The following SHOX variants were observed in gnomAD, a reference collection of about 807,000 sequenced individuals.
SHOX encodes the protein short stature homeobox protein.
A neutral mutation model predicts 29.6 loss-of-function variants in SHOX; 12 were observed. That is an observed-to-expected ratio of 0.41 (90% CI 0.26 to 0.66). The LOEUF is 0.66. Ranked by LOEUF, SHOX falls within the 30% of genes least tolerant of loss-of-function variation. The pLI is 0.35. For missense variants in SHOX, 499 were observed against 437.7 expected, an observed-to-expected ratio of 1.14 and a Z score of -1.25; for synonymous variants, 214 against 200.6, an observed-to-expected ratio of 1.07 and a Z score of -0.57.
intron 2 of SHOX, among the ~76,000 whole-genome samples, chrX:638,836 T>C (rs1341482131): frequency 5.3e-5 from 8 of 152,310 alleles, no homozygotes. Flanking sequence ...GAGTGACTGG[T>C]TCACTCACCG....
At chrX:639,647 C>A (rs760940406) in intron 2 of SHOX, among the ~76,000 whole-genome samples, 1 of 152,226 alleles carries the variant, frequency 6.6e-6, no homozygotes, top group Admixed American at 6.5e-5. Context: ...ACTTTTTCAC[C>A]TTAAGTTCAT....
upstream of SHOX, among the ~76,000 whole-genome samples, chrX:628,469 G>C (rs1269260601): frequency 3.8e-5 from 3 of 79,546 alleles, no homozygotes; most frequent in African/African-American, 1.6e-4. Context: ...ATCTCTCTCT[G>C]TCTCTCCCTG....
rs1412648393 is a variant in SHOX at position 646,182 on chromosome X, G to A, written c.*1546G>A. On this transcript the variant is annotated 3_prime_UTR_variant, in exon 5 of 5. Coordinates refer to ENST00000686671, the MANE Select transcript of SHOX (RefSeq NM_000451.4). The stretch of plus-strand genomic sequence containing the variant: ...CAACGTGCCCCCAGTTTTATAAACA[G>A]CAGATAGCAACTTGTCGTCACAGCT... 2.0e-5 allele frequency: 3 copies of A among 152,162 alleles called. No homozygotes were observed. The highest frequency in any genetic ancestry group is 4.4e-5 in the Non-Finnish European group (3 of 68,064). The allele number at this position is 152,162 out of a possible 1,614,324, so 9.4% of individuals were successfully genotyped here.
At chrX:635,975 G>C (rs1408943189) in intron 2 of SHOX, among the ~76,000 whole-genome samples, 1 of 151,868 alleles carries the variant, frequency 6.6e-6, no homozygotes, top group Non-Finnish European at 1.5e-5. Context: ...AAAGCAAACG[G>C]CGTTCAAAGC....
chrX:655,600 C>CTA (rs2053131038), downstream of SHOX, among the ~76,000 whole-genome samples: 1 of 54,210 alleles, frequency 1.8e-5, no homozygotes, highest in African/African-American at 7.2e-5. Flanking sequence ...CTCTCTCTCT[C>CTA]TCTCTCTCTC....
chrX:625,050 T>TC (rs2052492474), intron 1 of SHOX, among the ~76,000 whole-genome samples: 1 of 41,612 alleles, frequency 2.4e-5, no homozygotes, highest in East Asian at 4.8e-4. Context: ...TTCCTCCCTC[T>TC]GTTCCTTCCT....
In SHOX at chrX:630,866, G is replaced by T. The variant is rs775284196; in HGVS notation, c.-32G>T. On this transcript the variant is annotated 5_prime_UTR_variant, in exon 1 of 5. Transcript: ENST00000686671. ...CGCGGGGAGACGCGCGCATCCACCAGCCCCGGCTGCTCGCCAGCCCCGGCC... is the reference window on the plus strand; with the variant it reads ...CGCGGGGAGACGCGCGCATCCACCATCCCCGGCTGCTCGCCAGCCCCGGCC... The T allele has an allele frequency of 6.2e-7, 1 of 1,611,920 alleles. No individual in the cohort carries two copies. The highest frequency in any genetic ancestry group is 1.1e-5 in the South Asian group (1 of 91,032).
At chrX:643,359 CTTGGTGTCCCGGG>C (rs2052898025) in intron 4 of SHOX, among the ~76,000 whole-genome samples, 1 of 140,728 alleles carries the variant, frequency 7.1e-6, no homozygotes, top group African/African-American at 2.7e-5. Context: ...GGCTTGGGGA[CTTGGTGTCCCGGG>C]AGAGGCTTGG....
At chrX:652,080 G>T (rs2156998), downstream of SHOX, among the ~76,000 whole-genome samples, 1 of 151,746 alleles carries the variant, frequency 6.6e-6, no homozygotes, top group Non-Finnish European at 1.5e-5. Context: ...CTGCACCACC[G>T]CGCCCGGCTC....
At chrX:633,550 C>A (rs1346962603) in intron 1 of SHOX, among the ~76,000 whole-genome samples, 2 of 152,114 alleles carry the variant, frequency 1.3e-5, no homozygotes, top group African/African-American at 2.4e-5. Context: ...AGTATTTACC[C>A]CGTTCCCTGT....
At chrX:644,287 C>G in intron 4 of SHOX, 104 bp from the exon 5 acceptor site, 1 of 1,373,396 alleles carries the variant, frequency 7.3e-7, no homozygotes, top group East Asian at 2.9e-5. Context: ...GGGCGACGCT[C>G]CCTAGGGGAG....
chrX:658,663 G>A (rs969422427), intron 5 of SHOX: 1 of 191,562 alleles, frequency 5.2e-6, no homozygotes, highest in Admixed American at 5.2e-5. Context: ...GTAGAGACGG[G>A]GTTTCACCGT....
chrX:639,182 T>C (rs2052806899), intron 2 of SHOX, among the ~76,000 whole-genome samples: 1 of 152,004 alleles, frequency 6.6e-6, no homozygotes, highest in Admixed American at 6.6e-5. Flanking sequence ...CTCCTGAGGG[T>C]CCCCTGCGCT....
chrX:658,769 C>CTTTT, intron 5 of SHOX: 2 of 357,926 alleles, frequency 5.6e-6, no homozygotes, highest in South Asian at 2.1e-5. Flanking sequence ...TGCACTTGGC[C>CTTTT]TTTTTTTTTT....
chrX:653,367 G>C (rs1010795915), downstream of SHOX, among the ~76,000 whole-genome samples: 1 of 152,208 alleles, frequency 6.6e-6, no homozygotes, highest in African/African-American at 2.4e-5. Flanking sequence ...ATAGATGTTT[G>C]TTGCCAATTG....
chrX:636,341 T>TATATAAATACATAAAC (rs1556463149), intron 2 of SHOX, among the ~76,000 whole-genome samples: 4 of 132,296 alleles, frequency 3.0e-5, no homozygotes, highest in Non-Finnish European at 6.2e-5. Flanking sequence ...CATATAAACA[T>TATATAAATACATAAAC]ATATAAATAT....
At chrX:630,698 AGCCCG>A (rs1569493047), upstream of SHOX, 33 of 654,974 alleles carry the variant, frequency 5.0e-5, no homozygotes, top group Non-Finnish European at 7.1e-5. Context: ...TCCGCCGCGG[AGCCCG>A]GAGACCAGTA....
chrX:627,508 CAG>C (rs1480845286), upstream of SHOX, among the ~76,000 whole-genome samples: 1 of 152,122 alleles, frequency 6.6e-6, no homozygotes, highest in Non-Finnish European at 1.5e-5. Flanking sequence ...TTCGCGTAGC[CAG>C]AAACTCTTAG....
At chrX:657,897 G>A (rs1192170062) in intron 5 of SHOX, among the ~76,000 whole-genome samples, 1 of 152,132 alleles carries the variant, frequency 6.6e-6, no homozygotes, top group Non-Finnish European at 1.5e-5. Context: ...AATGAATACT[G>A]CTGTTTTCCT....
Sources: gnomAD v4.1 joint callset for allele counts (sites outside exome capture counted in the v4.1 genomes callset) on GRCh38, gnomAD v4.1.1 for gene constraint, MANE v1.5 for transcripts, NCBI Gene and HGNC (gene_info 2026-07-23, HGNC 2026-07-21) for gene names.